The following C9orf85 variants were observed in gnomAD, a reference collection of about 807,000 sequenced individuals.
C9orf85 encodes uncharacterized protein C9orf85.
In C9orf85, 16 loss-of-function variants were observed where a neutral mutation model predicts 14.9. That is an observed-to-expected ratio of 1.08 (90% CI 0.73 to 1.63). The LOEUF is 1.63. Ranked by LOEUF, C9orf85 falls within the 40% of genes most tolerant of loss-of-function variation. The pLI is 0.00. For missense variants in C9orf85, 172 were observed against 186.1 expected (o/e 0.92, Z 0.44); for synonymous variants, 45 against 56.8 (o/e 0.79, Z 0.93).
At chr9:71,962,151 G>A (rs1822537392) in intron 2 of C9orf85, among the ~76,000 whole-genome samples, 1 of 152,222 alleles carries the variant, frequency 6.6e-6, no homozygotes, top group African/African-American at 2.4e-5. Flanking sequence ...GGGCGACAGA[G>A]TGAGACCCTG....
intron 1 of C9orf85, chr9:71,941,899 A>AT (rs969229282): frequency 2.6e-5 from 4 of 152,176 alleles, no homozygotes; most frequent in African/African-American, 7.2e-5. Flanking sequence ...TCCATAAGTT[A>AT]TTTTACCTGT....
intron 1 of C9orf85, among the ~76,000 whole-genome samples, chr9:71,922,214 C>T (rs1268386227): frequency 1.3e-5 from 2 of 152,126 alleles, no homozygotes; most frequent in African/African-American, 4.8e-5. Flanking sequence ...GCTGGGATTA[C>T]AGGCATGAGC....
chr9:71,935,946 C>G (rs1828179009), intron 1 of C9orf85, among the ~76,000 whole-genome samples: 1 of 151,790 alleles, frequency 6.6e-6, no homozygotes, highest in Non-Finnish European at 1.5e-5. Flanking sequence ...GGTCTCACTC[C>G]CTCCGTCTTT....
At chr9:71,965,633 A>G (rs912937729) in intron 2 of C9orf85, among the ~76,000 whole-genome samples, 17 of 152,044 alleles carry the variant, frequency 1.1e-4, no homozygotes, top group Non-Finnish European at 1.2e-4. Flanking sequence ...GGGTCTCTCT[A>G]TGTTGCCCAG....
intron 2 of C9orf85, among the ~76,000 whole-genome samples, chr9:71,960,278 G>A (rs1018583561): frequency 1.3e-5 from 2 of 152,154 alleles, no homozygotes; most frequent in Non-Finnish European, 2.9e-5. Context: ...AGATAATCCC[G>A]GGCTGTCTTT....
chr9:71,934,915 C>T (rs1453977145), intron 1 of C9orf85, among the ~76,000 whole-genome samples: 1 of 152,038 alleles, frequency 6.6e-6, no homozygotes, highest in Admixed American at 6.6e-5. Context: ...ATAACTATTA[C>T]TCAACAACAA....
Position 71,948,879 on chromosome 9 carries a change from C to G in C9orf85, c.209+1767C>G, listed in dbSNP as rs202029934. ...TCCTTTTAGTCTTTTCTTCCTCTAG[C>G]ATTTCCTCCCAAAAGAAAACACTCT... On this transcript the variant is annotated intron_variant, in intron 2 of 3. Transcript: ENST00000334731. Among the ~76,000 whole-genome samples the G allele has an allele frequency of 9.7e-5, 14 of 143,796 alleles. No homozygotes were observed. In the East Asian group the frequency reaches 2.8e-3, roughly 29 times the overall value. 94.3% of individuals were successfully genotyped at this position (143,796 alleles called of 152,430 possible). A position where few individuals can be genotyped will look rare whatever the true frequency, so the allele number is the denominator to read the frequency against.
intron 2 of C9orf85, among the ~76,000 whole-genome samples, chr9:71,969,833 T>G (rs1822809539): frequency 6.6e-6 from 1 of 152,186 alleles, no homozygotes; most frequent in South Asian, 2.1e-4. Flanking sequence ...GTGGGTTATT[T>G]AGAAGTGTTT....
chr9:71,943,802 A>G (rs1474833491), intron 1 of C9orf85, among the ~76,000 whole-genome samples: 2 of 151,234 alleles, frequency 1.3e-5, no homozygotes, highest in Non-Finnish European at 3.0e-5. Context: ...CGGCCTCCCA[A>G]AGTGCTGGGA....
intron 2 of C9orf85, among the ~76,000 whole-genome samples, chr9:71,965,154 G>A (rs4745145): frequency 0.94 from 142,629 of 152,240 alleles, 67,439 homozygotes; most frequent in East Asian, 1. Context: ...CCATACAAAG[G>A]TAGGGGACCC....
chr9:71,937,029 G>A (rs971128925), intron 1 of C9orf85, among the ~76,000 whole-genome samples: 1 of 152,116 alleles, frequency 6.6e-6, no homozygotes, highest in Non-Finnish European at 1.5e-5. Context: ...AAAGTGTTGG[G>A]ATTATAGCCC....
intron 1 of C9orf85, among the ~76,000 whole-genome samples, chr9:71,943,884 T>C (rs1822011634): frequency 2.0e-5 from 3 of 151,318 alleles, no homozygotes; most frequent in South Asian, 2.1e-4. Flanking sequence ...GTTAAAGATA[T>C]ATTGTTTGAC....
chr9:71,951,375 C>T (rs564090294), intron 2 of C9orf85, among the ~76,000 whole-genome samples: 13 of 152,270 alleles, frequency 8.5e-5, no homozygotes, highest in Admixed American at 4.6e-4. Flanking sequence ...TGTCCTTTGA[C>T]GTAATGAGAT....
chr9:71,926,326 G>A (rs913080234), intron 1 of C9orf85, among the ~76,000 whole-genome samples: 1 of 152,110 alleles, frequency 6.6e-6, no homozygotes, highest in South Asian at 2.1e-4. Flanking sequence ...CATACAACCA[G>A]CACAACTGGG....
chr9:71,962,999 T>C (rs1485182708), intron 2 of C9orf85, among the ~76,000 whole-genome samples: 2 of 151,998 alleles, frequency 1.3e-5, no homozygotes, highest in Non-Finnish European at 1.5e-5. Context: ...GAGGTTGCAG[T>C]GAGCCGAGAT....
At chr9:71,967,186 G>T (rs1162907211) in intron 2 of C9orf85, among the ~76,000 whole-genome samples, 2 of 152,160 alleles carry the variant, frequency 1.3e-5, no homozygotes, top group Non-Finnish European at 2.9e-5. Context: ...TCTAGAAGTT[G>T]TATAATTCTT....
chr9:71,940,277 T>C (rs543525107), intron 1 of C9orf85, among the ~76,000 whole-genome samples: 1 of 150,766 alleles, frequency 6.6e-6, no homozygotes, highest in South Asian at 2.1e-4. Context: ...CCAAAGAAAA[T>C]ACAGGGTGGG....
chr9:71,935,034 G>C (rs918041558), intron 1 of C9orf85, among the ~76,000 whole-genome samples: 4 of 152,080 alleles, frequency 2.6e-5, no homozygotes, highest in Non-Finnish European at 5.9e-5. Flanking sequence ...TAATCACTGG[G>C]GAACTACAGA....
chr9:71,968,829 C>G (rs1029473434), intron 2 of C9orf85, among the ~76,000 whole-genome samples: 5 of 152,172 alleles, frequency 3.3e-5, no homozygotes, highest in African/African-American at 1.2e-4. Flanking sequence ...TGTCGTTCCC[C>G]TATTGGCTAG....
Sources: gnomAD v4.1 joint callset for allele counts (sites outside exome capture counted in the v4.1 genomes callset) on GRCh38, gnomAD v4.1.1 for gene constraint, MANE v1.5 for transcripts, NCBI Gene and HGNC (gene_info 2026-07-23, HGNC 2026-07-21) for gene names.